ELP2: variants seen among roughly 807,000 people sequenced by gnomAD.
ELP2 encodes the protein elongator complex protein 2.
Under a neutral mutation model 119.2 loss-of-function variants are expected in ELP2, and 90 were observed. The ratio of observed to expected loss-of-function variants is 0.75; its 90% CI spans 0.64 to 0.90. ELP2 has a LOEUF of 0.90. ELP2 is among the 40% of genes least tolerant of loss of function. The pLI is 0.00. For missense variants in ELP2, 921 were observed against 967.8 expected (o/e 0.95, Z 0.64); for synonymous variants, 339 against 331.0 (o/e 1.02, Z -0.26).
intron 20 of ELP2, 64 bp from the exon 21 acceptor site, chr18:36,170,983 G>A: frequency 9.4e-6 from 11 of 1,168,682 alleles, no homozygotes; most frequent in Non-Finnish European, 1.4e-5. Flanking sequence ...CTACTTTAGA[G>A]CAATGACGAA....
chr18:36,174,897 T>C lies in ELP2; in HGVS notation c.*256T>C. 2.5e-6 allele frequency: 1 copy of C among 401,044 alleles called. No individual in the cohort carries two copies. The allele number at this position is 401,044 out of a possible 1,614,324, so 24.8% of individuals were successfully genotyped here. On this transcript the variant is annotated 3_prime_UTR_variant, in exon 22 of 22. Coordinates refer to ENST00000358232, the MANE Select transcript of ELP2 (RefSeq NM_018255.4). ...TTTAGTAGAGACTGGGTTTCACCGT[T>C]GGCCAGGCGGGTCTCAAACTCCTCG...
chr18:36,142,873 A>G lies in ELP2; in HGVS notation c.703A>G (p.Ile235Val), dbSNP rs1396444871. 6.2e-7 allele frequency: 1 copy of G among 1,606,918 alleles called. No homozygotes were observed. The highest frequency in any genetic ancestry group is 8.5e-7 in the Non-Finnish European group (1 of 1,174,184). Residue 235 changes from isoleucine to valine, a missense_variant, in exon 8 of 22, where the codon ATA becomes GTA. By Grantham distance (29) the Ile-to-Val change is conservative. Transcript: ENST00000358232. Reference sequence around the variant, plus strand: ...CTGTTCACAAGATTGCCTGATAAGAATATGGAAGCTGTATATAAAGTCAAC... The same window carrying G: ...CTGTTCACAAGATTGCCTGATAAGAGTATGGAAGCTGTATATAAAGTCAAC... ...ASCSQDCLIR[I>V]WKLYIKSTSL... is the part of the protein sequence containing the mutation.
At chr18:36,142,532 T>C (rs951988622) in intron 7 of ELP2, among the ~76,000 whole-genome samples, 185 bp downstream of exon 7, 3 of 152,348 alleles carry the variant, frequency 2.0e-5, no homozygotes, top group Non-Finnish European at 4.4e-5. Context: ...TTAAATAAAT[T>C]GGTATTTATC....
Position 36,138,196 on chromosome 18 carries a change from C to T in ELP2, c.289-74C>T, listed in dbSNP as rs2089899207. 4 of 1,504,916 alleles carry T rather than the reference C, an allele frequency of 2.7e-6. No individual in the cohort carries two copies. The African/African-American group carries it at 4.1e-5, about 16-fold the overall frequency. 93.2% of individuals were successfully genotyped at this position (1,504,916 alleles called of 1,614,324 possible). A position where few individuals can be genotyped will look rare whatever the true frequency, so the allele number is the denominator to read the frequency against. ...ATTTCTGGCTCAGCCATTTTATTGG[C>T]ACATTTATCCAATTAAATAAAGGTA... On this transcript the variant is annotated intron_variant, in intron 3 of 21. Coordinates refer to ENST00000358232, the MANE Select transcript of ELP2 (RefSeq NM_018255.4).
chr18:36,155,276 G>A (rs1333686064), intron 12 of ELP2, among the ~76,000 whole-genome samples: 13 of 48,512 alleles, frequency 2.7e-4, no homozygotes, highest in Admixed American at 1.1e-3. Flanking sequence ...CCCCCCCCCC[G>A]CCTCCCAAAG....
chr18:36,170,775 C>G (rs1332433047), intron 20 of ELP2: 3 of 508,276 alleles, frequency 5.9e-6, no homozygotes, highest in Non-Finnish European at 1.1e-5. Flanking sequence ...CAAGCATCTT[C>G]AGTGGAACAA....
intron 12 of ELP2, among the ~76,000 whole-genome samples, chr18:36,155,545 C>T (rs2090547005): frequency 6.6e-6 from 1 of 152,118 alleles, no homozygotes; most frequent in African/African-American, 2.4e-5. Flanking sequence ...ATGATACAGC[C>T]ACTCTGGAAA....
chr18:36,152,696 T>G (rs1355789601), intron 11 of ELP2, among the ~76,000 whole-genome samples: 2 of 152,204 alleles, frequency 1.3e-5, no homozygotes, highest in Non-Finnish European at 2.9e-5. Context: ...TCAGGAATAA[T>G]CTCCCGTGTG....
rs34711344 is a variant in ELP2 at position 36,155,259 on chromosome 18, G to GCC, written c.1275+263_1275+264dup. ...AACTCCTGACCTCAGGTGATGCACC[G>GCC]CCCCTCCCCCCCCCCCGCCTCCCAA... is the stretch of plus-strand genomic sequence containing the variant. On this transcript the variant is annotated intron_variant, in intron 12 of 21. Coordinates refer to ENST00000358232, the MANE Select transcript of ELP2 (RefSeq NM_018255.4). 7.7e-3 allele frequency among the ~76,000 whole-genome samples: 399 copies of GCC among 51,980 alleles called. 2 individuals are homozygous for GCC. Among genetic ancestry groups the GCC allele is most frequent in the Middle Eastern group, 0.013 (1 of 80 alleles). The allele number at this position is 51,980 out of a possible 152,430, so 34.1% of individuals were successfully genotyped here.
intron 19 of ELP2, among the ~76,000 whole-genome samples, chr18:36,168,710 C>T (rs2090979596): frequency 1.3e-5 from 2 of 152,048 alleles, no homozygotes. Flanking sequence ...TGGGTGGGGA[C>T]ACAGCCAAAC....
chr18:36,173,178 A>G (rs1259655550), intron 21 of ELP2, among the ~76,000 whole-genome samples: 1 of 152,224 alleles, frequency 6.6e-6, no homozygotes, highest in Non-Finnish European at 1.5e-5. Context: ...TATTTCCGTG[A>G]TTTCACTACT....
At chr18:36,153,451 A>G (rs1156372529) in intron 11 of ELP2, among the ~76,000 whole-genome samples, 1 of 152,088 alleles carries the variant, frequency 6.6e-6, no homozygotes, top group African/African-American at 2.4e-5. Flanking sequence ...CACCACAGCA[A>G]TCATTAACTT....
At chr18:36,166,316 AGGGTTTTTTT>A (rs1434634716) in intron 18 of ELP2, among the ~76,000 whole-genome samples, 1 of 99,148 alleles carries the variant, frequency 1.0e-5, no homozygotes, top group Non-Finnish European at 2.0e-5. Flanking sequence ...TTTGTTTTTT[AGGGTTTTTTT>A]TTTTTTTTTT....
intron 6 of ELP2, 127 bp downstream of exon 6, chr18:36,141,328 T>G: frequency 1.3e-6 from 1 of 794,482 alleles, no homozygotes. Context: ...AATAGAATCT[T>G]TTTTTGACAG....
At chr18:36,167,712 G>C (rs1344288651) in intron 19 of ELP2, among the ~76,000 whole-genome samples, 1 of 136,086 alleles carries the variant, frequency 7.3e-6, no homozygotes, top group Non-Finnish European at 1.6e-5. Flanking sequence ...TTTTTTTTGA[G>C]ACAGGGTCTC....
Position 36,142,921 on chromosome 18 carries a change from G to A in ELP2, c.751G>A (p.Asp251Asn), listed in dbSNP as rs778966431. ...KSTSLETQDD[D>N]NIRLKENTFT... ...AACATCTTTAGAAACTCAGGATGAC[G>A]ATAACATAAGACTGAAAGAAAATAC... The change falls in exon 8 of 22, where the codon GAT becomes AAT. Residue 251 changes from aspartate (D) to asparagine (N), a missense_variant. By Grantham distance (23) the Asp-to-Asn change is conservative. Coordinates refer to ENST00000358232, the MANE Select transcript of ELP2 (RefSeq NM_018255.4). 4 of 1,594,244 alleles carry A rather than the reference G, an allele frequency of 2.5e-6. No individual in the cohort carries two copies. The highest frequency in any genetic ancestry group is 1.7e-5 in the Admixed American group (1 of 58,932).
At chr18:36,149,478 G>GTTTTTTTTTTTTT (rs1239631733) in intron 11 of ELP2, among the ~76,000 whole-genome samples, 10 of 64,510 alleles carry the variant, frequency 1.6e-4, no homozygotes, top group Admixed American at 5.5e-4. Flanking sequence ...AGGGTTTTTT[G>GTTTTTTTTTTTTT]TTTTGTTTTG....
At chr18:36,168,266 A>G (rs2090965848) in intron 19 of ELP2, among the ~76,000 whole-genome samples, 1 of 152,084 alleles carries the variant, frequency 6.6e-6, no homozygotes. Context: ...CCTTCTGTTC[A>G]TTTGCCTGTT....
rs2090686240 is a variant in ELP2, at chr18:36,159,987, A to G, written c.1660A>G (p.Asn554Asp). ...EPPTEDHLLQ[N>D]TLWPEVQKLY... ...TCCCACTGAGGATCATCTTCTGCAG[A>G]ATACTTTGTGGCCTGAAGTTCAAAA... Residue 554 changes from asparagine (N) to aspartate (D), a missense_variant, in exon 16 of 22, where the codon AAT becomes GAT. By Grantham distance (23) the Asn-to-Asp change is conservative. Coordinates refer to ENST00000358232, the MANE Select transcript of ELP2 (RefSeq NM_018255.4). 2 of 1,614,004 alleles carry G rather than the reference A, an allele frequency of 1.2e-6. No homozygotes were observed. Among genetic ancestry groups the G allele is most frequent in the Admixed American group, 1.7e-5 (1 of 59,992 alleles).
Sources: allele counts gnomAD v4.1 joint callset (sites outside exome capture counted in the v4.1 genomes callset), GRCh38; gene constraint gnomAD v4.1.1; transcripts MANE v1.5; gene names NCBI Gene and HGNC (gene_info 2026-07-23, HGNC 2026-07-21).